Variants in RBL1 observed in about 807,000 individuals in gnomAD.
The protein encoded by RBL1 is RB transcriptional corepressor like 1, also known as retinoblastoma-like protein 1.
RBL1 carries 82 observed loss-of-function variants against 123.0 expected under a neutral mutation model. That is an observed-to-expected ratio of 0.67 (90% CI 0.56 to 0.80). The LOEUF is 0.80. RBL1 is among the 30% of genes least tolerant of loss of function. RBL1 has a pLI of 0.00. For missense variants in RBL1, 1,171 were observed against 1,299.6 expected (o/e 0.90, Z 1.52); for synonymous variants, 405 against 441.3 (o/e 0.92, Z 1.03).
chr20:37,079,589 C>T (rs2065417883), intron 2 of RBL1, among the ~76,000 whole-genome samples: 2 of 151,658 alleles, frequency 1.3e-5, no homozygotes, highest in Non-Finnish European at 2.9e-5. Context: ...CCTCAGCCTC[C>T]CAAGATAGCT....
chr20:37,066,140 T>TA (rs2146301579), intron 6 of RBL1, among the ~76,000 whole-genome samples: 2 of 152,332 alleles, frequency 1.3e-5, no homozygotes, highest in South Asian at 4.1e-4. Flanking sequence ...TCTTGAGGCT[T>TA]AACTACATTT....
intron 1 of RBL1, among the ~76,000 whole-genome samples, chr20:37,093,982 TAA>T: frequency 6.6e-6 from 1 of 151,904 alleles, no homozygotes; most frequent in Non-Finnish European, 1.5e-5. Flanking sequence ...AAAGAAAAAA[TAA>T]ATAAGTAGAG....
intron 2 of RBL1, among the ~76,000 whole-genome samples, chr20:37,069,792 G>A (rs1472206735): frequency 6.6e-6 from 1 of 151,500 alleles, no homozygotes; most frequent in Non-Finnish European, 1.5e-5. Context: ...ATCCGGGAGG[G>A]AGGTGGGGGG....
At chr20:37,001,941 A>C (rs1215237033) in intron 21 of RBL1, among the ~76,000 whole-genome samples, 6 of 148,756 alleles carry the variant, frequency 4.0e-5, no homozygotes, top group Admixed American at 1.3e-4. Context: ...AAAAAAAAAA[A>C]ACAAACCAAA....
Position 37,029,246 on chromosome 20 carries a change from G to C in RBL1, c.2382+3419C>G, listed in dbSNP as rs184652989. Among the ~76,000 whole-genome samples, 5 of 152,016 alleles carry C rather than the reference G, an allele frequency of 3.3e-5. No individual in the cohort carries two copies. In the East Asian group the frequency reaches 9.6e-4, roughly 29 times the overall value. ...TACAGTAATCCCTTGGTATACACAGGAGATTTCTTCCAGGAGCCCCTGCAT... is the reference window on the plus strand; with the variant it reads ...TACAGTAATCCCTTGGTATACACAGCAGATTTCTTCCAGGAGCCCCTGCAT... On this transcript the variant is annotated intron_variant, in intron 16 of 21. Transcript: ENST00000373664.
At position 37,002,336 on chromosome 20, in the gene RBL1, G is replaced by GTTTTT. The variant is rs965408801; in HGVS notation, c.3036+1361_3036+1365dup. 4.1e-4 allele frequency among the ~76,000 whole-genome samples: 31 copies of GTTTTT among 76,350 alleles called. 3 individuals are homozygous for GTTTTT. The East Asian group carries it at 8.3e-3, about 21-fold the overall frequency. 50.1% of individuals were successfully genotyped at this position (76,350 alleles called of 152,430 possible). ...TGAGCCACCGTGCCTAGCCTTATCT[G>GTTTTT]TTTTTTTTTTTTTTTTTTTTTTTTG... On this transcript the variant is annotated intron_variant, in intron 21 of 21. Transcript: ENST00000373664.
chr20:37,044,040 T>G (rs745376490), intron 13 of RBL1, 46 bp downstream of exon 13: 66 of 1,399,186 alleles, frequency 4.7e-5, no homozygotes, highest in East Asian at 1.7e-4. Context: ...CTGGTTTTTT[T>G]TTTTTTTTTT....
rs749696961 is a variant in RBL1 at position 37,044,227 on chromosome 20, T to C, written c.1629A>G (p.Ser543=). The change falls in exon 13 of 22, where the codon TCA becomes TCG. Residue 543 remains serine, a synonymous_variant. Coordinates refer to ENST00000373664, the MANE Select transcript of RBL1 (RefSeq NM_002895.5). ...CCATGTCCCTTGAGAGCCCCTCTTC[T>C]GAGCGGATCACCACCTCAATAACCT... ...FYKVIEVVIR[S]EEGLSRDMVK... The C allele has an allele frequency of 2.5e-6, 4 of 1,613,706 alleles. No individual in the cohort carries two copies. Among genetic ancestry groups the C allele is most frequent in the African/African-American group, 2.7e-5 (2 of 74,892 alleles).
Position 37,020,718 on chromosome 20 carries a change from C to A in RBL1, c.2572G>T (p.Glu858Ter). Residue 858 changes from glutamate to a stop codon, truncating the protein, a stop_gained, in exon 18 of 22, where the codon GAA (glutamate) becomes TAA (stop). Coordinates refer to ENST00000373664, the MANE Select transcript of RBL1 (RefSeq NM_002895.5). LOFTEE classifies it high-confidence loss of function. The part of the protein sequence containing the change: ...FYIMAKVTKE[E>*]RTFQEIMKSY... The stretch of plus-strand genomic sequence containing the variant: ...TTCATAATTTCTTGAAAAGTTCTTT[C>A]TTCTTTTGTTACCTAAGGAAAATAA... The A allele has an allele frequency of 1.3e-6, 2 of 1,580,972 alleles. No homozygotes were observed. The highest frequency in any genetic ancestry group is 1.7e-6 in the Non-Finnish European group (2 of 1,159,144).
intron 19 of RBL1, among the ~76,000 whole-genome samples, chr20:37,011,877 C>CCCACGGTCTCCCTCTCCCTCTCTTT (rs1464870924): frequency 6.6e-6 from 1 of 152,170 alleles, no homozygotes; most frequent in Admixed American, 6.5e-5. Context: ...ACTCCCTCTC[C>CCCACGGTCTCCCTCTCCCTCTCTTT]CCACGGTCTC....
In RBL1 at chr20:37,040,251, C is replaced by G. The variant is rs2064699610; in HGVS notation, c.1805G>C (p.Gly602Ala). 2 of 1,613,988 alleles carry G rather than the reference C, an allele frequency of 1.2e-6. No homozygotes were observed. Among genetic ancestry groups the G allele is most frequent in the African/African-American group, 2.7e-5 (2 of 74,932 alleles). The stretch of plus-strand genomic sequence containing the variant: ...GGGAAGATGTCCCTGCACATTTCCT[C>G]CATTTCCTGTTTCAAAGTTATTTGG... Reference protein sequence around the residue: ...IFPNNFETGNGGNVQGHLPLM... With the variant: ...IFPNNFETGNAGNVQGHLPLM... The change falls in exon 14 of 22, where the codon GGA becomes GCA. Residue 602 changes from glycine (G) to alanine (A), a missense_variant. Physicochemically the swap from Gly to Ala is moderately conservative, Grantham distance 60. Transcript: ENST00000373664.
intron 10 of RBL1, 152 bp from the exon 11 acceptor site, chr20:37,055,808 G>A: frequency 1.2e-6 from 1 of 816,648 alleles, no homozygotes. Flanking sequence ...TAGCACTTTG[G>A]GAGGCCTAGG....
intron 16 of RBL1, among the ~76,000 whole-genome samples, chr20:37,029,831 T>G (rs1175010639): frequency 6.6e-6 from 1 of 152,200 alleles, no homozygotes; most frequent in Non-Finnish European, 1.5e-5. Context: ...TCTACTTACT[T>G]ATTACTTACA....
chr20:37,050,089 A>G (rs796250039), intron 11 of RBL1, among the ~76,000 whole-genome samples: 10 of 152,024 alleles, frequency 6.6e-5, no homozygotes, highest in African/African-American at 2.2e-4. Context: ...GAGAGAGAGA[A>G]AAAAAATGGA....
rs1391735294 is a variant in RBL1 at position 36,998,946 on chromosome 20, A to G, written c.3037-17T>C. On this transcript the variant is annotated splice_polypyrimidine_tract_variant and intron_variant, in intron 21 of 21. Transcript: ENST00000373664. Reference sequence around the variant, plus strand: ...TTTCAAACTCTGTGCAGAAATAGAGAACGTGTGTGAGTAAAAGAGGGAGAG... The same window carrying G: ...TTTCAAACTCTGTGCAGAAATAGAGGACGTGTGTGAGTAAAAGAGGGAGAG... The G allele has an allele frequency of 3.7e-6, 6 of 1,600,646 alleles. No homozygotes were observed. Among genetic ancestry groups the G allele is most frequent in the Non-Finnish European group, 5.1e-6 (6 of 1,172,616 alleles).
intron 19 of RBL1, among the ~76,000 whole-genome samples, chr20:37,012,691 G>A (rs1165956568): frequency 6.6e-6 from 1 of 151,770 alleles, no homozygotes; most frequent in Non-Finnish European, 1.5e-5. Flanking sequence ...CGGGAGGGAG[G>A]TGGGGGTCAA....
Position 37,014,085 on chromosome 20 carries a change from C to CTT in RBL1, c.2722+4192_2722+4193dup, listed in dbSNP as rs1184794374. 2.4e-3 allele frequency among the ~76,000 whole-genome samples: 329 copies of CTT among 136,320 alleles called. 5 individuals are homozygous for CTT. Among genetic ancestry groups the CTT allele is most frequent in the African/African-American group, 8.3e-3 (302 of 36,556 alleles). 89.4% of individuals were successfully genotyped at this position (136,320 alleles called of 152,430 possible). ...TATATCCTCCTACATAACTTTCTCT[C>CTT]TTTTTTTTTTTTTTTTTTGAGACAG... On this transcript the variant is annotated intron_variant, in intron 19 of 21. Transcript: ENST00000373664.
At chr20:37,011,130 T>G (rs2064142321) in intron 19 of RBL1, among the ~76,000 whole-genome samples, 1 of 152,172 alleles carries the variant, frequency 6.6e-6, no homozygotes, top group Admixed American at 6.6e-5. Flanking sequence ...TAAATATAAT[T>G]CTTTTTAATC....
chr20:37,012,207 T>G (rs1318238385), intron 19 of RBL1, among the ~76,000 whole-genome samples: 1 of 152,204 alleles, frequency 6.6e-6, no homozygotes, highest in Admixed American at 6.5e-5. Context: ...TGATCTCGGC[T>G]CGCTACAACC....
Sources: allele counts gnomAD v4.1 joint callset (sites outside exome capture counted in the v4.1 genomes callset), GRCh38; gene constraint gnomAD v4.1.1; transcripts MANE v1.5; gene names NCBI Gene and HGNC (gene_info 2026-07-23, HGNC 2026-07-21).